The following RPF2 variants were observed in gnomAD, a reference collection of about 807,000 sequenced individuals.
The protein encoded by RPF2 is ribosome production factor 2 homolog.
RPF2 carries 21 observed loss-of-function variants against 38.9 expected under a neutral mutation model. The ratio of observed to expected loss-of-function variants is 0.54; its 90% confidence interval spans 0.38 to 0.78. RPF2 has a LOEUF of 0.78. Ranked by LOEUF, RPF2 falls within the 30% of genes least tolerant of loss-of-function variation. The pLI, the probability that RPF2 is intolerant of heterozygous loss-of-function variation, is 0.00. For synonymous variants in RPF2, 121 were observed against 126.2 expected, an observed-to-expected ratio of 0.96 and a Z score of 0.28; for missense variants, 314 against 358.1, an observed-to-expected ratio of 0.88 and a Z score of 0.99.
chr6:110,994,058 C>G lies in RPF2; in HGVS notation c.234+2272C>G, dbSNP rs149950262. 2.1e-3 allele frequency among the ~76,000 whole-genome samples: 318 copies of G among 152,202 alleles called. 2 individuals are homozygous for G. The highest frequency in any genetic ancestry group is 7.4e-3 in the African/African-American group (307 of 41,526). ...CTGGGAGGCCAAGGCGTGTGGATCA[C>G]CTAAGGTCAGGAGTTCGAGACCAGC... On this transcript the variant is annotated intron_variant, in intron 4 of 9. Coordinates refer to ENST00000441448, the MANE Select transcript of RPF2 (RefSeq NM_032194.3).
chr6:110,985,782 A>G (rs550068802), intron 2 of RPF2, among the ~76,000 whole-genome samples: 4 of 152,066 alleles, frequency 2.6e-5, no homozygotes, highest in Non-Finnish European at 4.4e-5. Flanking sequence ...TACTAAAAGT[A>G]CAAAAATTAG....
chr6:110,986,657 G>T (rs1431552625), intron 2 of RPF2, among the ~76,000 whole-genome samples: 1 of 152,152 alleles, frequency 6.6e-6, no homozygotes, highest in Non-Finnish European at 1.5e-5. Context: ...ATCTATGAAA[G>T]AAAGGCATAG....
At chr6:110,985,970 C>A (rs1267012697) in intron 2 of RPF2, among the ~76,000 whole-genome samples, 1 of 151,984 alleles carries the variant, frequency 6.6e-6, no homozygotes, top group Non-Finnish European at 1.5e-5. Context: ...AGGGGGACCC[C>A]CACACAGGGT....
intron 1 of RPF2, chr6:110,982,608 T>G (rs1489460890): frequency 6.4e-6 from 1 of 157,272 alleles, no homozygotes; most frequent in Non-Finnish European, 1.4e-5. Flanking sequence ...ATGTAGAGCC[T>G]TTGCTGCAGC....
chr6:111,007,079 G>GTGTT (rs1394414467), intron 6 of RPF2, among the ~76,000 whole-genome samples: 1 of 151,866 alleles, frequency 6.6e-6, no homozygotes, highest in Non-Finnish European at 1.5e-5. Context: ...AGGTCTCACT[G>GTGTT]TGTTGCCCAG....
chr6:110,993,018 A>G (rs1771646211), intron 4 of RPF2, among the ~76,000 whole-genome samples: 2 of 152,214 alleles, frequency 1.3e-5, no homozygotes, highest in African/African-American at 4.8e-5. Context: ...GCTGGAGTGC[A>G]TTGGAATGAT....
At chr6:110,985,811 G>T (rs913383872) in intron 2 of RPF2, among the ~76,000 whole-genome samples, 2 of 151,928 alleles carry the variant, frequency 1.3e-5, no homozygotes, top group Non-Finnish European at 2.9e-5. Context: ...GGTGGCGGGC[G>T]CCTGTAGTCC....
chr6:110,987,418 T>C (rs966418531), intron 2 of RPF2, among the ~76,000 whole-genome samples: 3 of 152,220 alleles, frequency 2.0e-5, no homozygotes, highest in African/African-American at 7.2e-5. Flanking sequence ...AATTCAGATG[T>C]CTGAATGCCT....
intron 7 of RPF2, among the ~76,000 whole-genome samples, chr6:111,010,218 C>G (rs902063821): frequency 6.6e-6 from 1 of 150,966 alleles, no homozygotes; most frequent in Non-Finnish European, 1.5e-5. Context: ...GCCTTGACCT[C>G]TTGGGCTCAA....
chr6:111,017,162 T>C (rs1472100347), intron 8 of RPF2, among the ~76,000 whole-genome samples: 1 of 152,214 alleles, frequency 6.6e-6, no homozygotes, highest in Non-Finnish European at 1.5e-5. Context: ...AAAACCGCCA[T>C]CGTCATCATG....
At chr6:110,984,660 C>T (rs1333858748) in intron 1 of RPF2, among the ~76,000 whole-genome samples, 1 of 151,830 alleles carries the variant, frequency 6.6e-6, no homozygotes, top group African/African-American at 2.4e-5. Flanking sequence ...ACCAACATGG[C>T]GAAACCCTGT....
intron 6 of RPF2, among the ~76,000 whole-genome samples, chr6:111,007,223 C>CT (rs1374693318): frequency 6.6e-6 from 1 of 152,066 alleles, no homozygotes; most frequent in Non-Finnish European, 1.5e-5. Context: ...CATCAGAAGT[C>CT]TATTTTGGTT....
intron 7 of RPF2, among the ~76,000 whole-genome samples, chr6:111,012,418 A>G (rs571598995): frequency 1.6e-4 from 25 of 152,192 alleles, no homozygotes; most frequent in African/African-American, 6.0e-4. Flanking sequence ...GCAGCCCTCC[A>G]GCCTCAGCCT....
chr6:111,019,609 C>T (rs1463739357), intron 8 of RPF2, among the ~76,000 whole-genome samples: 4 of 151,888 alleles, frequency 2.6e-5, no homozygotes, highest in Admixed American at 1.3e-4. Context: ...TGGTGGTAGG[C>T]GCCTGTAATC....
intron 4 of RPF2, among the ~76,000 whole-genome samples, chr6:110,994,097 A>T (rs1016804775): frequency 6.6e-6 from 1 of 151,998 alleles, no homozygotes; most frequent in African/African-American, 2.4e-5. Flanking sequence ...ACCAACATGG[A>T]TAAACCCTGT....
At chr6:110,983,890 G>A (rs1334418598) in intron 1 of RPF2, among the ~76,000 whole-genome samples, 1 of 152,008 alleles carries the variant, frequency 6.6e-6, no homozygotes, top group Non-Finnish European at 1.5e-5. Flanking sequence ...TTAGCCGGGC[G>A]TCGTGGCGGG....
At position 111,008,789 on chromosome 6, in the gene RPF2, T is replaced by C. The variant is rs953025016; in HGVS notation, c.493+652T>C. Among the ~76,000 whole-genome samples, 3 of 152,136 alleles carry C rather than the reference T, an allele frequency of 2.0e-5. No individual in the cohort carries two copies. The East Asian group carries it at 5.8e-4, about 29-fold the overall frequency. On this transcript the variant is annotated intron_variant, in intron 7 of 9. Transcript: ENST00000441448. Reference sequence around the variant, plus strand: ...TTATTGCCAATATATTATTCACATTTCTATTGTGTATTCTGATATTGCTCT... The same window carrying C: ...TTATTGCCAATATATTATTCACATTCCTATTGTGTATTCTGATATTGCTCT...
chr6:111,012,809 A>C lies in RPF2; in HGVS notation c.494-2945A>C, dbSNP rs372146106. Among the ~76,000 whole-genome samples, 12 of 152,250 alleles carry C rather than the reference A, an allele frequency of 7.9e-5. No homozygotes were observed. In the East Asian group the frequency reaches 9.7e-4, roughly 12 times the overall value. ...CCCAGCCTCCTGAGTAGCTGGGATT[A>C]CAGGCATTCACCACCATGCCTGGAT... On this transcript the variant is annotated intron_variant, in intron 7 of 9. Coordinates refer to ENST00000441448, the MANE Select transcript of RPF2 (RefSeq NM_032194.3).
chr6:110,996,632 G>A (rs1455600682), intron 4 of RPF2, among the ~76,000 whole-genome samples: 1 of 152,148 alleles, frequency 6.6e-6, no homozygotes, highest in Non-Finnish European at 1.5e-5. Context: ...TAACTGAATA[G>A]TTTTCATGTA....
Sources: allele counts gnomAD v4.1 joint callset (sites outside exome capture counted in the v4.1 genomes callset), GRCh38; gene constraint gnomAD v4.1.1; transcripts MANE v1.5; gene names NCBI Gene and HGNC (gene_info 2026-07-23, HGNC 2026-07-21).